The following SDAD1 variants were observed in gnomAD, a reference collection of about 807,000 sequenced individuals.
SDAD1 encodes protein SDA1 homolog.
A neutral mutation model predicts 100.3 loss-of-function variants in SDAD1; 79 were observed. The observed-to-expected ratio is 0.79, with a 90% CI of 0.66 to 0.95. The LOEUF (loss-of-function observed/expected upper bound fraction) is 0.95, where lower values mean the gene tolerates loss of function less well. Among genes scored for constraint, SDAD1 ranks in the 40% least tolerant of loss-of-function variants. SDAD1 has a pLI of 0.00. For synonymous variants in SDAD1, 267 were observed against 271.4 expected (o/e 0.98, Z 0.16); for missense variants, 790 against 810.9 (o/e 0.97, Z 0.31).
At chr4:75,983,252 TATGTGTAC>T (rs1202376779) in intron 1 of SDAD1, among the ~76,000 whole-genome samples, 2 of 152,342 alleles carry the variant, frequency 1.3e-5, no homozygotes, top group East Asian at 3.9e-4. Context: ...GCAATAAACA[TATGTGTAC>T]ATGTGTATTT....
chr4:75,977,650 C>T lies in SDAD1; in HGVS notation c.401G>A (p.Arg134Gln), dbSNP rs147225574. ...ELFRCHDKLL[R>Q]KTLYTHIVTD... ...AATATTTGTTTTGCCCTTTACCTTT[C>T]GCAGAAGTTTATCATGGCAACGAAA... The change falls in exon 4 of 22, where the codon CGA becomes CAA. Residue 134 changes from arginine to glutamine, a missense_variant. Physicochemically the swap from Arg to Gln is conservative, Grantham distance 43 (BLOSUM62 1). Transcript: ENST00000356260. 1.3e-5 allele frequency: 21 copies of T among 1,595,944 alleles called. No individual in the cohort carries two copies. Among genetic ancestry groups the T allele is most frequent in the South Asian group, 6.6e-5 (6 of 90,502 alleles).
At chr4:75,981,849 T>C (rs1420707358) in intron 2 of SDAD1, 84 bp downstream of exon 2, 6 of 971,618 alleles carry the variant, frequency 6.2e-6, no homozygotes, top group African/African-American at 1.6e-5. Flanking sequence ...CATTCCAGAG[T>C]GGAATAAGGT....
intron 21 of SDAD1, among the ~76,000 whole-genome samples, chr4:75,952,081 T>A (rs1728654565): frequency 6.6e-6 from 1 of 152,218 alleles, no homozygotes; most frequent in Non-Finnish European, 1.5e-5. Context: ...GCAGAAGAGC[T>A]GGGATACTTA....
intron 1 of SDAD1, among the ~76,000 whole-genome samples, chr4:75,987,517 T>G (rs1340704148): frequency 6.6e-6 from 1 of 152,184 alleles, no homozygotes; most frequent in East Asian, 1.9e-4. Flanking sequence ...GTTTTGTTTT[T>G]CTGAGATGGA....
At chr4:75,983,804 T>C (rs766212924) in intron 1 of SDAD1, among the ~76,000 whole-genome samples, 1 of 152,212 alleles carries the variant, frequency 6.6e-6, no homozygotes, top group Non-Finnish European at 1.5e-5. Flanking sequence ...TAGATCCCAT[T>C]TGTCAATTTT....
chr4:75,989,489 C>G (rs1056840445), intron 1 of SDAD1, among the ~76,000 whole-genome samples: 1 of 152,184 alleles, frequency 6.6e-6, no homozygotes, highest in Non-Finnish European at 1.5e-5. Flanking sequence ...AGAATAACAA[C>G]ACACAGTAGT....
At position 75,956,139 on chromosome 4, in the gene SDAD1, A is replaced by G; in HGVS notation, c.1855-3T>C. On this transcript the variant is annotated splice_polypyrimidine_tract_variant and splice_region_variant and intron_variant, in intron 20 of 21. Transcript: ENST00000356260. ...TCTTTTCGGTCTGTCTTTCCAGCCT[A>G]CCAGAACAAAAAGTTTGATATTTCT... 6.3e-7 allele frequency: 1 copy of G among 1,595,390 alleles called. No individual in the cohort carries two copies. The highest frequency in any genetic ancestry group is 8.5e-7 in the Non-Finnish European group (1 of 1,174,796).
Position 75,988,059 on chromosome 4 carries a change from T to A in SDAD1, c.90+2693A>T, listed in dbSNP as rs568836783. On this transcript the variant is annotated intron_variant, in intron 1 of 21. Coordinates refer to ENST00000356260, the MANE Select transcript of SDAD1 (RefSeq NM_018115.4). ...ACCCAATCCAGGATCTAATCACCCT[T>A]CTTACTACTTCCTGTTACCATCCTA... is the stretch of plus-strand genomic sequence containing the variant. Among the ~76,000 whole-genome samples the A allele has an allele frequency of 7.2e-5, 11 of 152,230 alleles. No individual in the cohort carries two copies. In the South Asian group the frequency reaches 1.7e-3, roughly 23 times the overall value.
chr4:75,969,845 C>T (rs1401713930), intron 10 of SDAD1, among the ~76,000 whole-genome samples: 2 of 152,160 alleles, frequency 1.3e-5, no homozygotes, highest in Non-Finnish European at 2.9e-5. Context: ...CCCATACCAA[C>T]TAAATTAGAT....
At chr4:75,979,254 G>T (rs768162184) in intron 3 of SDAD1, among the ~76,000 whole-genome samples, 22 of 151,994 alleles carry the variant, frequency 1.4e-4, no homozygotes, top group South Asian at 1.0e-3. Flanking sequence ...GTGTAAGCAG[G>T]ACAGAGTGAA....
chr4:75,985,157 A>T (rs1351299611), intron 1 of SDAD1, among the ~76,000 whole-genome samples: 1 of 152,022 alleles, frequency 6.6e-6, no homozygotes, highest in Non-Finnish European at 1.5e-5. Context: ...TGAGATGATC[A>T]GGACTAATCT....
intron 21 of SDAD1, among the ~76,000 whole-genome samples, chr4:75,955,253 C>A (rs1386522377): frequency 6.6e-6 from 1 of 152,164 alleles, no homozygotes; most frequent in Non-Finnish European, 1.5e-5. Context: ...ACCCTAAATC[C>A]CTCACTAACC....
chr4:75,961,043 C>T lies in SDAD1; in HGVS notation c.1341G>A (p.Leu447=). 6.2e-7 allele frequency: 1 copy of T among 1,613,834 alleles called. No homozygotes were observed. Among genetic ancestry groups the T allele is most frequent in the South Asian group, 1.1e-5 (1 of 91,072 alleles). The part of the protein sequence containing the change: ...HLFRTLNPQM[L]QKKFRGKPTE... ...CTTTACCTACCCGGAATTTCTTCTG[C>T]AGCATCTGAGGATTCAGTGTTCGGA... The change falls in exon 16 of 22, where the codon CTG becomes CTA. Residue 447 remains leucine (L), a synonymous_variant. Coordinates refer to ENST00000356260, the MANE Select transcript of SDAD1 (RefSeq NM_018115.4).
At chr4:75,965,738 C>A in intron 13 of SDAD1, 26 bp downstream of exon 13, 1 of 1,602,308 alleles carries the variant, frequency 6.2e-7, no homozygotes, top group South Asian at 1.1e-5. Context: ...TGCCCTAGGT[C>A]CAGAAGTCAG....
chr4:75,981,587 T>C (rs1241176893), intron 2 of SDAD1, 117 bp from the exon 3 acceptor site: 3 of 1,518,314 alleles, frequency 2.0e-6, no homozygotes, highest in Non-Finnish European at 2.7e-6. Flanking sequence ...TAGAAGTAGA[T>C]GGTTCCAAAC....
intron 6 of SDAD1, among the ~76,000 whole-genome samples, chr4:75,974,640 C>T (rs1164715754): frequency 3.9e-5 from 6 of 151,958 alleles, no homozygotes; most frequent in Non-Finnish European, 7.4e-5. Flanking sequence ...ACCCAGGAGG[C>T]GGAGGTTGCA....
At chr4:75,955,948 G>C in intron 21 of SDAD1, 27 bp downstream of exon 21, 2 of 1,576,286 alleles carry the variant, frequency 1.3e-6, no homozygotes, top group Non-Finnish European at 1.7e-6. Context: ...TGCTGTTCTT[G>C]CCACCCAAGC....
intron 7 of SDAD1, among the ~76,000 whole-genome samples, chr4:75,973,788 A>G (rs1212782882): frequency 6.6e-6 from 1 of 152,182 alleles, no homozygotes; most frequent in Non-Finnish European, 1.5e-5. Flanking sequence ...GCTATCATTT[A>G]TTACATAGCA....
At position 75,974,238 on chromosome 4, in the gene SDAD1, C is replaced by T. The variant is rs1730027748; in HGVS notation, c.579-105G>A. 16 of 882,780 alleles carry T rather than the reference C, an allele frequency of 1.8e-5. No homozygotes were observed. In the East Asian group the frequency reaches 4.0e-4, roughly 22 times the overall value. 54.7% of individuals were successfully genotyped at this position (882,780 alleles called of 1,614,324 possible). On this transcript the variant is annotated intron_variant, in intron 6 of 21. Coordinates refer to ENST00000356260, the MANE Select transcript of SDAD1 (RefSeq NM_018115.4). ...TGATATAACAAATGTTTGTGACGTA[C>T]TAGAATTCCCAGTTGTAATATTTTA...
Sources: gnomAD v4.1 joint callset for allele counts (sites outside exome capture counted in the v4.1 genomes callset) on GRCh38, gnomAD v4.1.1 for gene constraint, MANE v1.5 for transcripts, NCBI Gene and HGNC (gene_info 2026-07-23, HGNC 2026-07-21) for gene names.